WNT4: variants seen among roughly 807,000 people sequenced by gnomAD.
WNT4 encodes the protein Wnt family member 4.
A neutral mutation model predicts 34.5 loss-of-function variants in WNT4; 16 were observed. That is an observed-to-expected ratio of 0.46 (90% confidence interval 0.31 to 0.70). The LOEUF is 0.70. Among genes scored for constraint, WNT4 ranks in the 30% least tolerant of loss-of-function variants. WNT4 has a pLI of 0.04. For synonymous variants in WNT4, 200 were observed against 211.9 expected (o/e 0.94, Z 0.49); for missense variants, 379 against 495.9 (o/e 0.76, Z 2.24).
rs370548667 is a variant in WNT4 at position 22,140,348 on chromosome 1, T to C, written c.77+2498A>G. 4.8e-6 allele frequency: 4 copies of C among 836,548 alleles called. No individual in the cohort carries two copies. The highest frequency in any genetic ancestry group is 1.2e-4 in the East Asian group (1 of 8,122). 51.8% of individuals were successfully genotyped at this position (836,548 alleles called of 1,614,324 possible). ...GTTACCTCTGCGATCCCCAATCTTC[T>C]CATCTGTAACGGGATTGAAACGTTG... On this transcript the variant is annotated intron_variant, in intron 1 of 4. Transcript: ENST00000290167. The surrounding 1 kb of genome is among the most constrained non-coding windows in gnomAD (Gnocchi z 5.9).
chr1:22,120,475 C>G lies in WNT4; in HGVS notation c.631G>C (p.Val211Leu). Residue 211 changes from valine (V) to leucine (L), a missense_variant, in exon 5 of 5, where the codon GTG (valine) becomes CTG (leucine). Coordinates refer to ENST00000290167, the MANE Select transcript of WNT4 (RefSeq NM_030761.5). The stretch of plus-strand genomic sequence containing the variant: ...GTCTTTACCTCACAGGAGCCTGACA[C>G]CCCGTGGCACTTGCATTCCACCCGC... Reference protein sequence around the residue: ...HMRVECKCHGVSGSCEVKTCW... With the variant: ...HMRVECKCHGLSGSCEVKTCW... The G allele has an allele frequency of 6.2e-7, 1 of 1,613,542 alleles. No individual in the cohort carries two copies.
Position 22,142,799 on chromosome 1 carries a change from G to T in WNT4, c.77+47C>A. On this transcript the variant is annotated intron_variant, in intron 1 of 4. Coordinates refer to ENST00000290167, the MANE Select transcript of WNT4 (RefSeq NM_030761.5). The surrounding 1 kb of genome is among the most constrained non-coding windows in gnomAD (Gnocchi z 6.0). ...GCCTGGCACCGGCCGCTGCCCCCGG[G>T]GCCTGCCCCGCCCCGCCCCGCCCCG... is the stretch of plus-strand genomic sequence containing the variant. The T allele has an allele frequency of 9.0e-7, 1 of 1,110,394 alleles. No homozygotes were observed. The highest frequency in any genetic ancestry group is 1.1e-6 in the Non-Finnish European group (1 of 891,378). The allele number at this position is 1,110,394 out of a possible 1,614,324, so 68.8% of individuals were successfully genotyped here.
At chr1:22,124,470 C>G (rs1388674297) in intron 2 of WNT4, among the ~76,000 whole-genome samples, 1 of 152,196 alleles carries the variant, frequency 6.6e-6, no homozygotes, top group African/African-American at 2.4e-5. Context: ...CTAAGGCTGC[C>G]TGGGGCTGGG....
intron 1 of WNT4, among the ~76,000 whole-genome samples, chr1:22,135,737 G>A (rs567881585): frequency 3.3e-5 from 5 of 152,152 alleles, no homozygotes; most frequent in Non-Finnish European, 7.4e-5. Context: ...GGCAGTGGGT[G>A]CTGCCTTCAC....
At chr1:22,141,352 C>A (rs1020861172) in intron 1 of WNT4, among the ~76,000 whole-genome samples, 2 of 152,056 alleles carry the variant, frequency 1.3e-5, no homozygotes, top group African/African-American at 4.8e-5. Context: ...ATGCTCAGAT[C>A]TGTTTTGGAG....
Position 22,134,514 on chromosome 1 carries a change from T to A in WNT4, c.78-4663A>T, listed in dbSNP as rs1372824794. Among the ~76,000 whole-genome samples, 1 of 152,208 alleles carries A rather than the reference T, an allele frequency of 6.6e-6. No individual in the cohort carries two copies. Among genetic ancestry groups the A allele is most frequent in the East Asian group, 1.9e-4 (1 of 5,198 alleles). ...CCTTGGAGACCCTTGTCTTTTGGCATGGCAGGCAGTGCAGAAAGGACATGG... is the reference window on the plus strand; with the variant it reads ...CCTTGGAGACCCTTGTCTTTTGGCAAGGCAGGCAGTGCAGAAAGGACATGG... On this transcript the variant is annotated intron_variant, in intron 1 of 4. Transcript: ENST00000290167. This position sits in a 1 kb window ranked among gnomAD's most constrained non-coding sequence, Gnocchi z 4.1.
chr1:22,126,120 T>C (rs1265938470), intron 2 of WNT4, among the ~76,000 whole-genome samples: 1 of 152,164 alleles, frequency 6.6e-6, no homozygotes, highest in Non-Finnish European at 1.5e-5. Flanking sequence ...CCAGATACCA[T>C]CTTTACCAAA....
intron 1 of WNT4, among the ~76,000 whole-genome samples, chr1:22,130,166 C>T (rs1408137523): frequency 6.6e-6 from 1 of 152,210 alleles, no homozygotes; most frequent in Non-Finnish European, 1.5e-5. Flanking sequence ...CTGTCTGTGC[C>T]AGGACGTCAC....
rs1193976448 is a variant in WNT4 at position 22,120,533 on chromosome 1, G to A, written c.589-16C>T. 6.3e-7 allele frequency: 1 copy of A among 1,598,450 alleles called. No homozygotes were observed. The highest frequency in any genetic ancestry group is 8.5e-7 in the Non-Finnish European group (1 of 1,172,794). On this transcript the variant is annotated splice_polypyrimidine_tract_variant and intron_variant, in intron 4 of 4. Transcript: ENST00000290167. ...TCAGGATGGCCTGTGGGAGAGGGTG[G>A]GGGAGAGGGGCCATCAGGAGATGGC... is the stretch of plus-strand genomic sequence containing the variant.
intron 4 of WNT4, among the ~76,000 whole-genome samples, chr1:22,120,970 ATATG>A (rs1281623594): frequency 1.3e-5 from 2 of 151,950 alleles, no homozygotes; most frequent in Non-Finnish European, 2.9e-5. Context: ...ATGGACACAT[ATATG>A]TATGTGTGTG....
At chr1:22,121,989 A>C (rs1412520086) in intron 2 of WNT4, among the ~76,000 whole-genome samples, 6 of 152,290 alleles carry the variant, frequency 3.9e-5, no homozygotes, top group Admixed American at 3.3e-4. Flanking sequence ...TTTATGGAAG[A>C]CCAGACAGGC....
At chr1:22,120,618 G>T in intron 4 of WNT4, 101 bp from the exon 5 acceptor site, 2 of 1,215,864 alleles carry the variant, frequency 1.6e-6, no homozygotes. Flanking sequence ...CCCTGGGGCT[G>T]ACGCTGCAGT....
At position 22,139,284 on chromosome 1, in the gene WNT4, G is replaced by A. The variant is rs553172944; in HGVS notation, c.77+3562C>T. 5.8e-4 allele frequency among the ~76,000 whole-genome samples: 89 copies of A among 152,306 alleles called. 1 individual carries two copies. Among genetic ancestry groups the A allele is most frequent in the African/African-American group, 2.0e-3 (82 of 41,562 alleles). ...TGCCAGGGCTGCCATTTCCATCAGC[G>A]TGCCTGGCCCAGTGCCAGCTTGCCA... is the stretch of plus-strand genomic sequence containing the variant. On this transcript the variant is annotated intron_variant, in intron 1 of 4. Coordinates refer to ENST00000290167, the MANE Select transcript of WNT4 (RefSeq NM_030761.5). This position sits in a 1 kb window ranked among gnomAD's most constrained non-coding sequence, Gnocchi z 4.6.
At chr1:22,127,558 G>A (rs547907763) in intron 2 of WNT4, 31 of 471,616 alleles carry the variant, frequency 6.6e-5, no homozygotes, top group South Asian at 4.5e-4. Context: ...GAGTGGAGTC[G>A]GGTGAGGAGA....
In WNT4 at chr1:22,139,873, G is replaced by C. The variant is rs1304183754; in HGVS notation, c.77+2973C>G. On this transcript the variant is annotated intron_variant, in intron 1 of 4. Transcript: ENST00000290167. This position sits in a 1 kb window ranked among gnomAD's most constrained non-coding sequence, Gnocchi z 4.6. The stretch of plus-strand genomic sequence containing the variant: ...TCCATCGGGCCCTCCCTCAGTGGTG[G>C]GAGCCGTCACAAGCTGTCAGCGGGC... Among the ~76,000 whole-genome samples, 1 of 152,210 alleles carries C rather than the reference G, an allele frequency of 6.6e-6. No homozygotes were observed. The highest frequency in any genetic ancestry group is 6.5e-5 in the Admixed American group (1 of 15,282).
In WNT4 at chr1:22,139,627, C is replaced by A. The variant is rs1646050272; in HGVS notation, c.77+3219G>T. Reference sequence around the variant, plus strand: ...TATTCCCTAACCCTCCCCAGCACTTCCATTTGGGGTTCAGAACGATCTGCT... The same window carrying A: ...TATTCCCTAACCCTCCCCAGCACTTACATTTGGGGTTCAGAACGATCTGCT... On this transcript the variant is annotated intron_variant, in intron 1 of 4. Transcript: ENST00000290167. This position sits in a 1 kb window ranked among gnomAD's most constrained non-coding sequence, Gnocchi z 4.6. 6.6e-6 allele frequency among the ~76,000 whole-genome samples: 1 copy of A among 152,190 alleles called. No homozygotes were observed. The highest frequency in any genetic ancestry group is 6.5e-5 in the Admixed American group (1 of 15,286).
rs1646048485 is a variant in WNT4, at chr1:22,139,433, T to C, written c.77+3413A>G. The stretch of plus-strand genomic sequence containing the variant: ...AATAACCTGTCCAAGGTCACTCAGC[T>C]GGGCAGGGCAGAGCTCGGTTGGATC... On this transcript the variant is annotated intron_variant, in intron 1 of 4. Coordinates refer to ENST00000290167, the MANE Select transcript of WNT4 (RefSeq NM_030761.5). This position sits in a 1 kb window ranked among gnomAD's most constrained non-coding sequence, Gnocchi z 4.6. 6.6e-6 allele frequency among the ~76,000 whole-genome samples: 1 copy of C among 152,162 alleles called. No individual in the cohort carries two copies.
In WNT4 at chr1:22,139,069, C is replaced by CG. The variant is rs1025293298; in HGVS notation, c.77+3776dup. Among the ~76,000 whole-genome samples, 9 of 152,148 alleles carry CG rather than the reference C, an allele frequency of 5.9e-5. No homozygotes were observed. Among genetic ancestry groups the CG allele is most frequent in the African/African-American group, 2.2e-4 (9 of 41,444 alleles). ...TCTTCCTGACTCTGGGAGGCTCCTGCGGGGGCCCTTGTTGAGCAAGGGGGT... is the reference window on the plus strand; with the variant it reads ...TCTTCCTGACTCTGGGAGGCTCCTGCGGGGGGCCCTTGTTGAGCAAGGGGGT... On this transcript the variant is annotated intron_variant, in intron 1 of 4. Coordinates refer to ENST00000290167, the MANE Select transcript of WNT4 (RefSeq NM_030761.5). The surrounding 1 kb of genome is among the most constrained non-coding windows in gnomAD (Gnocchi z 4.6).
Position 22,142,936 on chromosome 1 carries a change from G to T in WNT4, c.-14C>A. On this transcript the variant is annotated 5_prime_UTR_variant, in exon 1 of 5. Coordinates refer to ENST00000290167, the MANE Select transcript of WNT4 (RefSeq NM_030761.5). This position sits in a 1 kb window ranked among gnomAD's most constrained non-coding sequence, Gnocchi z 6.0. ...GCGGGGACTCATGGTGCCGCCGCGG[G>T]CGCCCGGCCCGGGGCAGCGGCTGCG... 8.9e-7 allele frequency: 1 copy of T among 1,120,576 alleles called. No individual in the cohort carries two copies. The allele number at this position is 1,120,576 out of a possible 1,614,324, so 69.4% of individuals were successfully genotyped here. A position where few individuals can be genotyped will look rare whatever the true frequency, so the allele number is the denominator to read the frequency against.
Sources: allele counts gnomAD v4.1 joint callset (sites outside exome capture counted in the v4.1 genomes callset), GRCh38; gene constraint gnomAD v4.1.1; non-coding constraint Gnocchi (gnomAD v3.1); transcripts MANE v1.5; gene names NCBI Gene and HGNC (gene_info 2026-07-23, HGNC 2026-07-21).